The following THEMIS variants were observed in gnomAD, a reference collection of about 807,000 sequenced individuals.
THEMIS encodes protein THEMIS.
In THEMIS, 37 loss-of-function variants were observed where a neutral mutation model predicts 52.6. That is an observed-to-expected ratio of 0.70 (90% CI 0.54 to 0.93). THEMIS has a LOEUF of 0.93. THEMIS is among the 40% of genes least tolerant of loss of function. The pLI, the probability that THEMIS is intolerant of heterozygous loss-of-function variation, is 0.00. For synonymous variants in THEMIS, 292 were observed against 272.7 expected (o/e 1.07, Z -0.70); for missense variants, 808 against 763.1 (o/e 1.06, Z -0.69).
intron 2 of THEMIS, among the ~76,000 whole-genome samples, chr6:127,831,202 C>T (rs1034988581): frequency 3.3e-5 from 5 of 152,108 alleles, no homozygotes; most frequent in Non-Finnish European, 5.9e-5. Flanking sequence ...ATCAAGATAA[C>T]CAACTACTAC....
chr6:127,901,018 C>A lies in THEMIS; in HGVS notation c.-86G>T. 1 of 1,018,654 alleles carries A rather than the reference C, an allele frequency of 9.8e-7. No individual in the cohort carries two copies. The highest frequency in any genetic ancestry group is 1.6e-6 in the Non-Finnish European group (1 of 643,990). 63.1% of individuals were successfully genotyped at this position (1,018,654 alleles called of 1,614,324 possible). On this transcript the variant is annotated 5_prime_UTR_variant, in exon 1 of 6. Coordinates refer to ENST00000368248, the MANE Select transcript of THEMIS (RefSeq NM_001010923.3). ...CACTTGTCTGCAATTGCAGCCCCTG[C>A]TCACCATTTCTTCCTCAGGCAGGCA...
intron 4 of THEMIS, among the ~76,000 whole-genome samples, chr6:127,802,912 G>A (rs551642170): frequency 1.3e-5 from 2 of 152,276 alleles, no homozygotes; most frequent in African/African-American, 2.4e-5. Context: ...CCTATGTTCT[G>A]TGTTTTTTAT....
intron 4 of THEMIS, among the ~76,000 whole-genome samples, chr6:127,737,174 CTGA>C (rs1281792378): frequency 3.3e-5 from 5 of 152,124 alleles, no homozygotes; most frequent in African/African-American, 1.2e-4. Context: ...CTACTCCTGG[CTGA>C]GGAAGCAGTG....
At chr6:127,841,335 C>T (rs1779041209) in intron 2 of THEMIS, among the ~76,000 whole-genome samples, 1 of 151,982 alleles carries the variant, frequency 6.6e-6, no homozygotes, top group Non-Finnish European at 1.5e-5. Context: ...ACAGAAGATC[C>T]AATTGTTTAA....
chr6:127,836,361 G>T (rs1316452770), intron 2 of THEMIS, among the ~76,000 whole-genome samples: 1 of 152,150 alleles, frequency 6.6e-6, no homozygotes, highest in African/African-American at 2.4e-5. Context: ...GGTGTGAAGG[G>T]TGAAAACAGC....
intron 3 of THEMIS, among the ~76,000 whole-genome samples, chr6:127,816,087 A>G (rs1483934833): frequency 6.6e-6 from 1 of 152,102 alleles, no homozygotes; most frequent in Non-Finnish European, 1.5e-5. Flanking sequence ...AGCCTATCTT[A>G]TTTTACTTAA....
intron 1 of THEMIS, among the ~76,000 whole-genome samples, chr6:127,869,865 A>G (rs1780102498): frequency 6.6e-6 from 1 of 152,236 alleles, no homozygotes; most frequent in Non-Finnish European, 1.5e-5. Flanking sequence ...ACAGAAAAAC[A>G]GAACAAAACA....
At chr6:127,843,252 G>A (rs1016289177) in intron 2 of THEMIS, among the ~76,000 whole-genome samples, 2 of 151,130 alleles carry the variant, frequency 1.3e-5, no homozygotes, top group East Asian at 2.0e-4. Context: ...TGGCATTAAC[G>A]TTGATTGACA....
chr6:127,912,849 G>C (rs1781442004), intron 1 of THEMIS, among the ~76,000 whole-genome samples: 1 of 152,126 alleles, frequency 6.6e-6, no homozygotes, highest in Admixed American at 6.5e-5. Context: ...AGTGCCTGTA[G>C]GCCAAATGTT....
intron 2 of THEMIS, among the ~76,000 whole-genome samples, chr6:127,841,698 G>C (rs536425768): frequency 7.4e-6 from 1 of 134,976 alleles, no homozygotes; most frequent in African/African-American, 2.8e-5. Context: ...GAAATAATCT[G>C]ATCATGAACT....
chr6:127,858,904 G>T (rs776781942), intron 1 of THEMIS, among the ~76,000 whole-genome samples: 9 of 152,084 alleles, frequency 5.9e-5, no homozygotes, highest in Non-Finnish European at 8.8e-5. Context: ...TAATGAAAGA[G>T]CCATGTGCCT....
Position 127,870,259 on chromosome 6 carries a change from C to T in THEMIS, c.92-15071G>A, listed in dbSNP as rs138928486. Among the ~76,000 whole-genome samples, 41 of 152,228 alleles carry T rather than the reference C, an allele frequency of 2.7e-4. 1 individual carries two copies. The East Asian group carries it at 3.9e-3, about 14-fold the overall frequency. On this transcript the variant is annotated intron_variant, in intron 1 of 5. Transcript: ENST00000368248. ...AGAGGCCCAGTAATAAGGCAATGCT[C>T]GTACCCCTCCCAACATGGCTAGTGT... is the stretch of plus-strand genomic sequence containing the variant.
chr6:127,801,145 G>A (rs1353182681), intron 4 of THEMIS, among the ~76,000 whole-genome samples: 1 of 152,188 alleles, frequency 6.6e-6, no homozygotes, highest in Non-Finnish European at 1.5e-5. Flanking sequence ...ACATGCTCAT[G>A]AGAGGCAAGG....
intron 4 of THEMIS, among the ~76,000 whole-genome samples, chr6:127,724,288 A>G (rs1774463739): frequency 6.6e-6 from 1 of 152,126 alleles, no homozygotes; most frequent in Non-Finnish European, 1.5e-5. Context: ...ATCAAATTAC[A>G]TTGGTCATCT....
upstream of THEMIS, among the ~76,000 whole-genome samples, chr6:127,904,955 ACTCT>A (rs141351259): frequency 0.047 from 7,099 of 150,940 alleles, 696 homozygotes; most frequent in East Asian, 0.37. Context: ...TTTCTCTCTC[ACTCT>A]CTCTCTCTCT....
chr6:127,770,183 T>C (rs1776335489), intron 4 of THEMIS, among the ~76,000 whole-genome samples: 1 of 152,194 alleles, frequency 6.6e-6, no homozygotes, highest in South Asian at 2.1e-4. Context: ...TTCTAGATCC[T>C]TGAGGAATTG....
At chr6:127,892,983 T>G (rs1332073502) in intron 1 of THEMIS, among the ~76,000 whole-genome samples, 2 of 152,312 alleles carry the variant, frequency 1.3e-5, no homozygotes, top group Non-Finnish European at 2.9e-5. Flanking sequence ...TAGTAATTCC[T>G]TATACATTCA....
At chr6:127,907,395 C>A (rs1781302650) in intron 1 of THEMIS, among the ~76,000 whole-genome samples, 1 of 109,830 alleles carries the variant, frequency 9.1e-6, no homozygotes, top group Admixed American at 1.3e-4. Context: ...GGATATCCTG[C>A]TGTTGTGTGA....
At chr6:127,918,144 T>C (rs571366043) in intron 1 of THEMIS, among the ~76,000 whole-genome samples, 4 of 152,276 alleles carry the variant, frequency 2.6e-5, no homozygotes, top group African/African-American at 9.6e-5. Context: ...CATTAATAAC[T>C]AAACACTGAA....
Sources: gnomAD v4.1 joint callset for allele counts (sites outside exome capture counted in the v4.1 genomes callset) on GRCh38, gnomAD v4.1.1 for gene constraint, MANE v1.5 for transcripts, NCBI Gene and HGNC (gene_info 2026-07-23, HGNC 2026-07-21) for gene names.